Variants in TTLL8 observed in about 807,000 individuals in gnomAD.
TTLL8 encodes the protein tubulin tyrosine ligase like 8.
A neutral mutation model predicts 77.8 loss-of-function variants in TTLL8; 65 were observed. The ratio of observed to expected loss-of-function variants is 0.84; its 90% CI spans 0.68 to 1.03. The LOEUF (loss-of-function observed/expected upper bound fraction) is 1.03, where lower values mean the gene tolerates loss of function less well. Ranked by LOEUF, TTLL8 falls within the 50% of genes least tolerant of loss-of-function variation. TTLL8 has a pLI of 0.00. For missense variants in TTLL8, 910 were observed against 1,004.5 expected (o/e 0.91, Z 1.27); for synonymous variants, 402 against 422.8 (o/e 0.95, Z 0.60).
Position 50,034,818 on chromosome 22 carries a change from C to G in TTLL8, c.922-356G>C, listed in dbSNP as rs143168221. The stretch of plus-strand genomic sequence containing the variant: ...GTGGGGGTGGGGAGATGCAGCCACG[C>G]GGAAACGTGGGAGACACAGGCGGGG... On this transcript the variant is annotated intron_variant, in intron 8 of 13. Transcript: ENST00000266182. The surrounding 1 kb of genome is among the most constrained non-coding windows in gnomAD (Gnocchi z 4.1). 2.1e-4 allele frequency among the ~76,000 whole-genome samples: 32 copies of G among 152,192 alleles called. No individual in the cohort carries two copies. The East Asian group carries it at 6.0e-3, about 29-fold the overall frequency.
chr22:50,045,145 G>T, intron 6 of TTLL8, 110 bp downstream of exon 8: 1 of 1,173,204 alleles, frequency 8.5e-7, no homozygotes, highest in Non-Finnish European at 1.1e-6. Flanking sequence ...GCTGTATCCA[G>T]CCCCGGCTGC....
intron 1 of TTLL8, among the ~76,000 whole-genome samples, chr22:50,051,314 G>A (rs571461471): frequency 2.0e-5 from 3 of 152,242 alleles, no homozygotes; most frequent in African/African-American, 4.8e-5. Flanking sequence ...GAGTTACTTC[G>A]CTTGGAAGAA....
upstream of TTLL8, among the ~76,000 whole-genome samples, chr22:50,055,750 C>T (rs2061467440): frequency 6.6e-6 from 1 of 151,572 alleles, no homozygotes; most frequent in South Asian, 2.1e-4. Context: ...AATTCATCCA[C>T]AGTGATGGAG....
chr22:50,039,075 T>C (rs1346454130), intron 8 of TTLL8, among the ~76,000 whole-genome samples: 1 of 152,224 alleles, frequency 6.6e-6, no homozygotes, highest in Non-Finnish European at 1.5e-5. Flanking sequence ...GGTTAAAGTT[T>C]TGTGTACATA....
intron 8 of TTLL8, among the ~76,000 whole-genome samples, chr22:50,039,353 T>C (rs1241842938): frequency 2.0e-5 from 3 of 152,136 alleles, no homozygotes; most frequent in South Asian, 4.1e-4. Context: ...CTCATGCCTG[T>C]AATCCCAGCA....
chr22:50,043,912 ATC>A (rs2061392123), intron 6 of TTLL8, among the ~76,000 whole-genome samples: 1 of 152,202 alleles, frequency 6.6e-6, no homozygotes, highest in Non-Finnish European at 1.5e-5. Context: ...GCCGGGGACC[ATC>A]TCTGTCTGAT....
At chr22:50,053,364 AC>A (rs2061454454) in intron 1 of TTLL8, among the ~76,000 whole-genome samples, 1 of 152,226 alleles carries the variant, frequency 6.6e-6, no homozygotes, top group African/African-American at 2.4e-5. Flanking sequence ...AAGCTAGAAA[AC>A]AAGAACAATA....
rs760361208 is a variant in TTLL8, at chr22:50,045,978, G to A, written c.394-8C>T. Reference sequence around the variant, plus strand: ...GTTCACGCACAGCCCGATCTCCAGAGACAGTGGCGTGTTAGGCAGGAGGGG... The same window carrying A: ...GTTCACGCACAGCCCGATCTCCAGAAACAGTGGCGTGTTAGGCAGGAGGGG... On this transcript the variant is annotated splice_polypyrimidine_tract_variant and splice_region_variant and intron_variant, in intron 4 of 13. Transcript: ENST00000266182. The A allele has an allele frequency of 5.2e-6, 7 of 1,346,224 alleles. No homozygotes were observed. In the Admixed American group the frequency reaches 6.0e-5, roughly 11 times the overall value. 83.4% of individuals were successfully genotyped at this position (1,346,224 alleles called of 1,614,324 possible). A position where few individuals can be genotyped will look rare whatever the true frequency, so the allele number is the denominator to read the frequency against.
At chr22:50,038,316 T>C (rs942029254) in intron 8 of TTLL8, among the ~76,000 whole-genome samples, 1 of 152,134 alleles carries the variant, frequency 6.6e-6, no homozygotes, top group African/African-American at 2.4e-5. Flanking sequence ...CATCTACAAA[T>C]AGGAACTTTA....
At chr22:50,028,298 T>G (rs1377646776) in intron 12 of TTLL8, among the ~76,000 whole-genome samples, 1 of 152,206 alleles carries the variant, frequency 6.6e-6, no homozygotes, top group African/African-American at 2.4e-5. Context: ...AAGGGGAACA[T>G]AAACTCCTTT....
chr22:50,041,408 A>G lies in TTLL8; in HGVS notation c.831-131T>C. 1.0e-6 allele frequency: 1 copy of G among 985,654 alleles called. No individual in the cohort carries two copies. The highest frequency in any genetic ancestry group is 1.4e-6 in the Non-Finnish European group (1 of 723,660). 61.1% of individuals were successfully genotyped at this position (985,654 alleles called of 1,614,324 possible). The stretch of plus-strand genomic sequence containing the variant: ...CACCCCAATACCCAACAAGTATCCC[A>G]GACATCCAGACAGACACCACAATAC... On this transcript the variant is annotated intron_variant, in intron 7 of 13. Coordinates refer to ENST00000266182, the Ensembl canonical transcript of TTLL8. This position sits in a 1 kb window ranked among gnomAD's most constrained non-coding sequence, Gnocchi z 4.3.
intron 1 of TTLL8, among the ~76,000 whole-genome samples, chr22:50,051,876 A>G (rs538873735): frequency 6.6e-6 from 1 of 152,282 alleles, no homozygotes; most frequent in South Asian, 2.1e-4. Context: ...TTTTTCTGTA[A>G]GAGGAGTTTT....
chr22:50,040,979 G>A (rs533021918), intron 8 of TTLL8, among the ~76,000 whole-genome samples: 1 of 152,320 alleles, frequency 6.6e-6, no homozygotes, highest in East Asian at 1.9e-4. Context: ...GTGGCAAATG[G>A]TGATGATGAG....
At chr22:50,042,777 C>T (rs2061379859) in intron 6 of TTLL8, among the ~76,000 whole-genome samples, 1 of 152,132 alleles carries the variant, frequency 6.6e-6, no homozygotes, top group Non-Finnish European at 1.5e-5. Flanking sequence ...ACACAATCAC[C>T]ACAATCATGA....
exon 3 of TTLL8, chr22:50,049,317 T>C (rs757037419): frequency 1.4e-5 from 19 of 1,367,586 alleles, no homozygotes; most frequent in Non-Finnish European, 1.8e-5. Flanking sequence ...TTGGCACATG[T>C]ATCATCTGCC....
intron 9 of TTLL8, 130 bp from the exon 11 acceptor site, chr22:50,033,575 G>A: frequency 3.7e-6 from 3 of 816,976 alleles, no homozygotes; most frequent in Non-Finnish European, 5.2e-6. Context: ...CCAGCAGGCA[G>A]CATGGTTGGT....
Position 50,030,577 on chromosome 22 carries a change from C to A in TTLL8, c.2056G>T (p.Asp686Tyr), listed in dbSNP as rs778489592. Residue 686 changes from aspartate to tyrosine, a missense_variant, in exon 12 of 14, where the codon GAC becomes TAC. By Grantham distance (160) the Asp-to-Tyr change is radical. Transcript: ENST00000266182. The stretch of plus-strand genomic sequence containing the variant: ...ACACCGGTGTTTGGGGCCTGACTGT[C>A]CACGTGGCGACAGGGGCAGGCCGGG... 8 of 1,305,862 alleles carry A rather than the reference C, an allele frequency of 6.1e-6. No homozygotes were observed. The South Asian group carries it at 1.0e-4, about 17-fold the overall frequency. The allele number at this position is 1,305,862 out of a possible 1,614,324, so 80.9% of individuals were successfully genotyped here.
chr22:50,046,379 C>G (rs1332797051), intron 4 of TTLL8, among the ~76,000 whole-genome samples: 1 of 152,234 alleles, frequency 6.6e-6, no homozygotes, highest in Non-Finnish European at 1.5e-5. Flanking sequence ...ACATGCCCAG[C>G]ACTGCCCACC....
exon 4 of TTLL8, chr22:50,047,168 C>G: frequency 7.3e-7 from 1 of 1,367,470 alleles, no homozygotes; most frequent in Non-Finnish European, 9.8e-7. Context: ...GCCGGCTCAC[C>G]TTGGTGGTGA....
Sources: gnomAD v4.1 joint callset for allele counts (sites outside exome capture counted in the v4.1 genomes callset) on GRCh38, gnomAD v4.1.1 for gene constraint, Gnocchi (gnomAD v3.1) non-coding constraint, MANE v1.5 for transcripts, NCBI Gene and HGNC (gene_info 2026-07-23, HGNC 2026-07-21) for gene names.